The following FOCAD variants were observed in gnomAD, a reference collection of about 807,000 sequenced individuals.
FOCAD encodes the protein KIAA1797.
Under a neutral mutation model 225.6 loss-of-function variants are expected in FOCAD, and 198 were observed. The ratio of observed to expected loss-of-function variants is 0.88; its 90% CI spans 0.78 to 0.99. FOCAD has a LOEUF of 0.99. FOCAD is among the 50% of genes least tolerant of loss of function. The pLI is 0.00. For synonymous variants in FOCAD, 897 were observed against 755.0 expected (o/e 1.19, Z -3.08); for missense variants, 2,713 against 2,123.6 (o/e 1.28, Z -5.46).
chr9:20,676,807 C>G (rs952318988), intron 2 of FOCAD, among the ~76,000 whole-genome samples: 16 of 152,112 alleles, frequency 1.1e-4, no homozygotes, highest in African/African-American at 3.6e-4. Flanking sequence ...TTACAATGTT[C>G]ATACCACACA....
In FOCAD at chr9:20,788,084, A is replaced by G. The variant is rs187148367; in HGVS notation, c.1198-1267A>G. Reference sequence around the variant, plus strand: ...AAACAACCCAAATATCCATCCATTGATAGTGGATAAACAATATAGTGTATC... The same window carrying G: ...AAACAACCCAAATATCCATCCATTGGTAGTGGATAAACAATATAGTGTATC... On this transcript the variant is annotated intron_variant, in intron 10 of 43. Coordinates refer to ENST00000338382, the MANE Select transcript of FOCAD (RefSeq NM_001375567.1). Among the ~76,000 whole-genome samples, 18 of 152,336 alleles carry G rather than the reference A, an allele frequency of 1.2e-4. No homozygotes were observed. The East Asian group carries it at 3.1e-3, about 26-fold the overall frequency.
intron 6 of FOCAD, among the ~76,000 whole-genome samples, chr9:20,761,476 A>G (rs754758918): frequency 6.6e-6 from 1 of 151,920 alleles, no homozygotes; most frequent in African/African-American, 2.4e-5. Context: ...GCTGGAGTGC[A>G]GTGGTGCAAT....
At position 20,853,892 on chromosome 9, in the gene FOCAD, A is replaced by G. The variant is rs567889095; in HGVS notation, c.1921-8686A>G. Among the ~76,000 whole-genome samples the G allele has an allele frequency of 2.5e-4, 38 of 151,784 alleles. 1 individual carries two copies. The Admixed American group carries it at 2.5e-3, about 10-fold the overall frequency. On this transcript the variant is annotated intron_variant, in intron 15 of 43. Transcript: ENST00000338382. ...GATAAGAAAGAATGTTATTTTTCTC[A>G]TTGTTTCTGCTCCATTGATTGTGTC...
chr9:20,918,749 T>G (rs1034593559), intron 24 of FOCAD, among the ~76,000 whole-genome samples: 4 of 151,488 alleles, frequency 2.6e-5, no homozygotes, highest in Non-Finnish European at 5.9e-5. Flanking sequence ...ACTTACAAAG[T>G]ATCTTATAGA....
At chr9:20,853,050 G>T (rs1402091918) in intron 15 of FOCAD, among the ~76,000 whole-genome samples, 1 of 151,700 alleles carries the variant, frequency 6.6e-6, no homozygotes, top group African/African-American at 2.4e-5. Context: ...TTCTTGTCAA[G>T]GAATTTTTTG....
chr9:20,989,151 G>C (rs1841440027), intron 41 of FOCAD, among the ~76,000 whole-genome samples: 1 of 152,138 alleles, frequency 6.6e-6, no homozygotes, highest in South Asian at 2.1e-4. Context: ...TGAGTATTCT[G>C]TTTGCTGTGT....
chr9:20,735,605 T>G lies in FOCAD; in HGVS notation c.288-4631T>G, dbSNP rs78167145. Among the ~76,000 whole-genome samples the G allele has an allele frequency of 2.0e-5, 3 of 151,396 alleles. No individual in the cohort carries two copies. In the East Asian group the frequency reaches 5.9e-4, roughly 30 times the overall value. On this transcript the variant is annotated intron_variant, in intron 4 of 43. Coordinates refer to ENST00000338382, the MANE Select transcript of FOCAD (RefSeq NM_001375567.1). ...ATCATAGCTCACTGTAATCTCAAAC[T>G]CCTGGGCTCAAGTGATCCTCCTGCC...
chr9:20,697,315 A>G (rs370645282), intron 1 of FOCAD, among the ~76,000 whole-genome samples: 21 of 152,266 alleles, frequency 1.4e-4, no homozygotes, highest in African/African-American at 3.4e-4. Flanking sequence ...CCTAGAAGCC[A>G]CAATGATCTT....
At chr9:20,820,479 G>A (rs1824202732) in intron 13 of FOCAD, 54 bp downstream of exon 13, 2 of 1,449,182 alleles carry the variant, frequency 1.4e-6, no homozygotes, top group South Asian at 1.2e-5. Flanking sequence ...TTCACTGAAG[G>A]AAAATAATTA....
chr9:20,993,444 ACCAGAGG>A, intron 43 of FOCAD, 116 bp downstream of exon 43: 1 of 835,872 alleles, frequency 1.2e-6, no homozygotes, highest in Admixed American at 2.5e-5. Flanking sequence ...AATGCTTGGG[ACCAGAGG>A]TGTTTTGGAT....
upstream of FOCAD, among the ~76,000 whole-genome samples, chr9:20,681,538 G>A (rs1388310311): frequency 6.6e-6 from 1 of 152,172 alleles, no homozygotes; most frequent in Non-Finnish European, 1.5e-5. Context: ...ATTTGTCAGA[G>A]AAAACTTTGT....
At chr9:20,966,333 T>C (rs963203770) in intron 35 of FOCAD, among the ~76,000 whole-genome samples, 3 of 152,138 alleles carry the variant, frequency 2.0e-5, no homozygotes, top group Admixed American at 6.5e-5. Flanking sequence ...TATATCTTCT[T>C]GGAGAATTAT....
In FOCAD at chr9:20,929,675, A is replaced by T. The variant is rs977132764; in HGVS notation, c.3317+79A>T. On this transcript the variant is annotated intron_variant, in intron 27 of 43. Coordinates refer to ENST00000338382, the MANE Select transcript of FOCAD (RefSeq NM_001375567.1). ...ATTTTGCACCCATATGCACCTATAT[A>T]TAAACATTGTATCTGAGCAATATGT... The T allele has an allele frequency of 3.5e-6, 4 of 1,143,964 alleles. 1 individual carries two copies. Among genetic ancestry groups the T allele is most frequent in the East Asian group, 2.3e-5 (1 of 42,632 alleles). 70.9% of individuals were successfully genotyped at this position (1,143,964 alleles called of 1,614,324 possible). A position where few individuals can be genotyped will look rare whatever the true frequency, so the allele number is the denominator to read the frequency against.
intron 5 of FOCAD, among the ~76,000 whole-genome samples, chr9:20,745,354 T>C (rs1827963428): frequency 6.6e-6 from 1 of 152,106 alleles, no homozygotes; most frequent in South Asian, 2.1e-4. Context: ...CCTCCCAAAG[T>C]GCTGGGATTA....
rs117926952 is a variant in FOCAD at position 20,977,203 on chromosome 9, G to T, written c.4261+655G>T. 3.2e-4 allele frequency among the ~76,000 whole-genome samples: 48 copies of T among 152,250 alleles called. 1 individual carries two copies. In the East Asian group the frequency reaches 9.1e-3, roughly 29 times the overall value. On this transcript the variant is annotated intron_variant, in intron 36 of 43. Coordinates refer to ENST00000338382, the MANE Select transcript of FOCAD (RefSeq NM_001375567.1). ...TTCTGGTTCTCTGTAGCCAGGAAAGGTTTTCCAACTTTAAGGACTCATGTA... is the reference window on the plus strand; with the variant it reads ...TTCTGGTTCTCTGTAGCCAGGAAAGTTTTTCCAACTTTAAGGACTCATGTA...
chr9:20,659,351 G>C (rs1169978671), intron 2 of FOCAD, among the ~76,000 whole-genome samples: 1 of 150,990 alleles, frequency 6.6e-6, no homozygotes, highest in East Asian at 1.9e-4. Flanking sequence ...AGGTTGCAGT[G>C]AGTCAAGATG....
intron 1 of FOCAD, chr9:20,694,397 A>G (rs897030429): frequency 2.6e-5 from 4 of 152,360 alleles, no homozygotes; most frequent in East Asian, 1.9e-4. Context: ...AATCTGAACC[A>G]TGAAGCTATT....
intron 15 of FOCAD, among the ~76,000 whole-genome samples, chr9:20,827,115 G>A (rs7859786): frequency 6.6e-6 from 1 of 151,772 alleles, no homozygotes; most frequent in African/African-American, 2.4e-5. Flanking sequence ...TATTCAGAGA[G>A]TTATGCCACC....
rs538047029 is a variant in FOCAD at position 20,878,311 on chromosome 9, G to A, written c.2317+3504G>A. Among the ~76,000 whole-genome samples, 13 of 152,152 alleles carry A rather than the reference G, an allele frequency of 8.5e-5. No homozygotes were observed. The South Asian group carries it at 1.9e-3, about 22-fold the overall frequency. ...GAGATTTCTTGTGTTTTTTGCCTGC[G>A]TTTTCATTTCTGTGATCTTCAAAAT... On this transcript the variant is annotated intron_variant, in intron 19 of 43. Transcript: ENST00000338382.
Sources: gnomAD v4.1 joint callset for allele counts (sites outside exome capture counted in the v4.1 genomes callset) on GRCh38, gnomAD v4.1.1 for gene constraint, MANE v1.5 for transcripts, NCBI Gene and HGNC (gene_info 2026-07-23, HGNC 2026-07-21) for gene names.